The following GRIN2C variants were observed in gnomAD, a reference collection of about 807,000 sequenced individuals.
The protein encoded by GRIN2C is glutamate receptor ionotropic, NMDA 2C.
Under a neutral mutation model 77.7 loss-of-function variants are expected in GRIN2C, and 64 were observed. The ratio of observed to expected loss-of-function variants is 0.82; its 90% CI spans 0.67 to 1.01. GRIN2C has a LOEUF of 1.01. Ranked by LOEUF, GRIN2C falls within the 50% of genes least tolerant of loss-of-function variation. The pLI is 0.00. For missense variants in GRIN2C, 1,549 were observed against 1,486.0 expected (o/e 1.04, Z -0.70); for synonymous variants, 792 against 643.4 (o/e 1.23, Z -3.49).
In GRIN2C at chr17:74,850,992, C is replaced by T; in HGVS notation, c.1114-225G>A. The T allele has an allele frequency of 3.4e-6, 2 of 590,830 alleles. No homozygotes were observed. The highest frequency in any genetic ancestry group is 3.0e-5 in the Admixed American group (1 of 33,716). The allele number at this position is 590,830 out of a possible 1,614,324, so 36.6% of individuals were successfully genotyped here. Reference sequence around the variant, plus strand: ...AAAGCCCAGACCTGACCCTGTCTCACTCACTGTACTGGTCCCCCCTGACTT... The same window carrying T: ...AAAGCCCAGACCTGACCCTGTCTCATTCACTGTACTGGTCCCCCCTGACTT... On this transcript the variant is annotated intron_variant, in intron 4 of 12. Transcript: ENST00000293190. The surrounding 1 kb of genome is among the most constrained non-coding windows in gnomAD (Gnocchi z 5.3).
intron 2 of GRIN2C, 129 bp downstream of exon 2, chr17:74,854,565 C>T: frequency 1.5e-6 from 1 of 678,444 alleles, no homozygotes. Flanking sequence ...CCCCATCACC[C>T]ACATCATGCC....
At chr17:74,857,543 C>T (rs767945096) in intron 1 of GRIN2C, among the ~76,000 whole-genome samples, 39 of 152,184 alleles carry the variant, frequency 2.6e-4, no homozygotes, top group Non-Finnish European at 1.5e-4. Context: ...TCAGCTGCCA[C>T]CACCAATCAG....
Position 74,846,701 on chromosome 17 carries a change from A to G in GRIN2C, c.2162+59T>C. ...CCCACTGTCCCCACATTGAGAGCTA[A>G]GGCTGGTCACTGGGGAGACACACGG... On this transcript the variant is annotated intron_variant, in intron 10 of 12. Transcript: ENST00000293190. The surrounding 1 kb of genome is among the most constrained non-coding windows in gnomAD (Gnocchi z 4.4). 6.5e-7 allele frequency: 1 copy of G among 1,546,518 alleles called. No homozygotes were observed. The highest frequency in any genetic ancestry group is 8.8e-7 in the Non-Finnish European group (1 of 1,130,022).
Position 74,855,125 on chromosome 17 carries a change from C to G in GRIN2C, c.-15-18G>C, listed in dbSNP as rs371069303. On this transcript the variant is annotated intron_variant, in intron 1 of 12. Transcript: ENST00000293190. ...GGAGGGTCCTGCGGAGAGACCAGAA[C>G]AAGCACAGGGAGAGAGACAGAGGTT... 2.6e-6 allele frequency: 4 copies of G among 1,532,626 alleles called. No homozygotes were observed. In the African/African-American group the frequency reaches 5.5e-5, roughly 21 times the overall value. The allele number at this position is 1,532,626 out of a possible 1,614,324, so 94.9% of individuals were successfully genotyped here. A position where few individuals can be genotyped will look rare whatever the true frequency, so the allele number is the denominator to read the frequency against.
chr17:74,855,043 G>A lies in GRIN2C; in HGVS notation c.50C>T (p.Ala17Val). 2 of 1,598,562 alleles carry A rather than the reference G, an allele frequency of 1.3e-6. No homozygotes were observed. Among genetic ancestry groups the A allele is most frequent in the African/African-American group, 1.3e-5 (1 of 74,874 alleles). ...PALLLTSLFG[A>V]WAGLGPGQGE... The stretch of plus-strand genomic sequence containing the variant: ...CTGCCCCGGACCCAGCCCTGCCCAG[G>A]CACCGAAGAGCGAGGTGAGCAACAG... Residue 17 changes from alanine (A) to valine (V), a missense_variant, in exon 2 of 13, where the codon GCC becomes GTC. This residue lies in a region of GRIN2C where 382 missense variants were observed against 360.0 expected (regional missense o/e 1.06). Transcript: ENST00000293190.
Position 74,852,354 on chromosome 17 carries a change from G to C in GRIN2C, c.657C>G (p.Leu219=). The change falls in exon 3 of 13, where the codon CTC becomes CTG. Residue 219 remains leucine (L), a synonymous_variant. Transcript: ENST00000293190. ...RARTQRLLRQ[L]DAPVFVAYCS... The stretch of plus-strand genomic sequence containing the variant: ...AGTAGGCCACAAACACGGGCGCGTC[G>C]AGCTGGCGCAGCAGGCGCTGCGTGC... 5 of 1,453,296 alleles carry C rather than the reference G, an allele frequency of 3.4e-6. No individual in the cohort carries two copies. The highest frequency in any genetic ancestry group is 1.5e-5 in the African/African-American group (1 of 67,128). 90.0% of individuals were successfully genotyped at this position (1,453,296 alleles called of 1,614,324 possible). A position where few individuals can be genotyped will look rare whatever the true frequency, so the allele number is the denominator to read the frequency against.
rs997048587 is a variant in GRIN2C at position 74,842,865 on chromosome 17, G to C, written c.3272C>G (p.Ala1091Gly). 2 of 563,702 alleles carry C rather than the reference G, an allele frequency of 3.5e-6. No individual in the cohort carries two copies. Among genetic ancestry groups the C allele is most frequent in the Non-Finnish European group, 6.1e-6 (2 of 326,574 alleles). 34.9% of individuals were successfully genotyped at this position (563,702 alleles called of 1,614,324 possible). A position where few individuals can be genotyped will look rare whatever the true frequency, so the allele number is the denominator to read the frequency against. The change falls in exon 13 of 13, where the codon GCT becomes GGT. Residue 1091 changes from alanine to glycine, a missense_variant. Ala to Gly is a moderately conservative substitution (Grantham distance 60). Transcript: ENST00000293190. ...CCCAGCGGGCAGCGAGCTGGGCCGAGCGAAGGCCTCGGCCACGGAGCTGGG... is the reference window on the plus strand; with the variant it reads ...CCCAGCGGGCAGCGAGCTGGGCCGACCGAAGGCCTCGGCCACGGAGCTGGG... ...SLPSSVAEAF[A>G]RPSSLPAGCT...
chr17:74,849,909 C>T lies in GRIN2C; in HGVS notation c.1516G>A (p.Ala506Thr). 6.2e-7 allele frequency: 1 copy of T among 1,613,340 alleles called. No individual in the cohort carries two copies. The highest frequency in any genetic ancestry group is 1.1e-5 in the South Asian group (1 of 91,022). Reference sequence around the variant, plus strand: ...TCATTGATGGTGAGGGAGCCGATGGCCATGTCTGCCCGCTTGTAGTACACC... The same window carrying T: ...TCATTGATGGTGAGGGAGCCGATGGTCATGTCTGCCCGCTTGTAGTACACC... ...GEVYYKRADMAIGSLTINEER... is the reference protein window; with the variant it reads ...GEVYYKRADMTIGSLTINEER... Residue 506 changes from alanine to threonine, a missense_variant, in exon 7 of 13, where the codon GCC becomes ACC. Coordinates refer to ENST00000293190, the MANE Select transcript of GRIN2C (RefSeq NM_000835.6). This position sits in a 1 kb window ranked among gnomAD's most constrained non-coding sequence, Gnocchi z 4.6.
chr17:74,850,251 C>T lies in GRIN2C; in HGVS notation c.1446G>A (p.Lys482=). The T allele has an allele frequency of 6.2e-7, 1 of 1,613,854 alleles. No homozygotes were observed. The highest frequency in any genetic ancestry group is 8.5e-7 in the Non-Finnish European group (1 of 1,179,998). Residue 482 remains lysine, a synonymous_variant, in exon 6 of 13, where the codon AAG becomes AAA. Coordinates refer to ENST00000293190, the MANE Select transcript of GRIN2C (RefSeq NM_000835.6). The surrounding 1 kb of genome is among the most constrained non-coding windows in gnomAD (Gnocchi z 5.3). ...ATACGCCGCGCACCCGCTTGCCATG[C>T]TTGCCGTTGGTCACCAGGTACAGGT... ...SYDLYLVTNG[K]HGKRVRGVWN...
Position 74,843,056 on chromosome 17 carries a change from A to T in GRIN2C, c.3081T>A (p.Cys1027Ter), listed in dbSNP as rs1345813187. The stretch of plus-strand genomic sequence containing the variant: ...CGGCTCGAGGAAAGGAGCTGTAGTG[A>T]CAGCGCGCGGGCGACAGGGGCCGCT... The part of the protein sequence containing the change: ...ASERPLSPAR[C>*]HYSSFPRADR... Residue 1027 changes from cysteine to a stop codon, truncating the protein, a stop_gained, in exon 13 of 13, where the codon TGT becomes TGA. Transcript: ENST00000293190. LOFTEE classifies it low-confidence loss of function (END_TRUNC). 1 of 463,668 alleles carries T rather than the reference A, an allele frequency of 2.2e-6. No individual in the cohort carries two copies. The highest frequency in any genetic ancestry group is 3.9e-6 in the Non-Finnish European group (1 of 259,086). The allele number at this position is 463,668 out of a possible 1,614,324, so 28.7% of individuals were successfully genotyped here.
intron 1 of GRIN2C, among the ~76,000 whole-genome samples, chr17:74,856,036 C>T (rs886427892): frequency 2.0e-5 from 3 of 152,234 alleles, no homozygotes; most frequent in Non-Finnish European, 4.4e-5. Context: ...CCATCACTGG[C>T]GTGCAGGATC....
Position 74,852,377 on chromosome 17 carries a change from T to C in GRIN2C, c.634A>G (p.Thr212Ala). Reference protein sequence around the residue: ...ELGPGGPRARTQRLLRQLDAP... With the variant: ...ELGPGGPRARAQRLLRQLDAP... ...TCGAGCTGGCGCAGCAGGCGCTGCG[T>C]GCGCGCGCGCGGCCCTCCCGGGCCC... Residue 212 changes from threonine to alanine, a missense_variant, in exon 3 of 13, where the codon ACG becomes GCG. Physicochemically the swap from Thr to Ala is moderately conservative, Grantham distance 58 (BLOSUM62 0). Transcript: ENST00000293190. The C allele has an allele frequency of 6.9e-7, 1 of 1,440,912 alleles. No individual in the cohort carries two copies. The highest frequency in any genetic ancestry group is 9.0e-7 in the Non-Finnish European group (1 of 1,105,352). 89.3% of individuals were successfully genotyped at this position (1,440,912 alleles called of 1,614,324 possible).
chr17:74,844,509 C>T lies in GRIN2C; in HGVS notation c.2351-1G>A, dbSNP rs1367173296. ...ACTGTCTCCAGTTTCTGTGTCTCTC[C>T]TGGAGTTGGGGGGTGTACACATCTG... On this transcript the variant is annotated splice_acceptor_variant, in intron 11 of 12. Coordinates refer to ENST00000293190, the MANE Select transcript of GRIN2C (RefSeq NM_000835.6). LOFTEE classifies it high-confidence loss of function. 6.2e-7 allele frequency: 1 copy of T among 1,613,692 alleles called. No individual in the cohort carries two copies. The highest frequency in any genetic ancestry group is 1.1e-5 in the South Asian group (1 of 91,070).
rs549812884 is a variant in GRIN2C, at chr17:74,848,608, G to A, written c.1646-631C>T. 2.0e-5 allele frequency among the ~76,000 whole-genome samples: 3 copies of A among 152,328 alleles called. No homozygotes were observed. In the East Asian group the frequency reaches 5.8e-4, roughly 29 times the overall value. On this transcript the variant is annotated intron_variant, in intron 7 of 12. Coordinates refer to ENST00000293190, the MANE Select transcript of GRIN2C (RefSeq NM_000835.6). ...CCAGCTACTCAGGAGCCTGAGGCAA[G>A]AGAATCAGTTGAACCCAGGAGGCGG...
At position 74,843,507 on chromosome 17, in the gene GRIN2C, G is replaced by A; in HGVS notation, c.2630C>T (p.Pro877Leu). 2 of 1,533,598 alleles carry A rather than the reference G, an allele frequency of 1.3e-6. No homozygotes were observed. Among genetic ancestry groups the A allele is most frequent in the Non-Finnish European group, 1.7e-6 (2 of 1,146,446 alleles). 95.0% of individuals were successfully genotyped at this position (1,533,598 alleles called of 1,614,324 possible). A position where few individuals can be genotyped will look rare whatever the true frequency, so the allele number is the denominator to read the frequency against. ...FSGVQSLASP[P>L]RQASPDLTAS... The stretch of plus-strand genomic sequence containing the variant: ...CGTGAGGTCCGGGCTGGCCTGCCGC[G>A]GTGGGCTGGCGAGGCTCTGCACCCC... The change falls in exon 13 of 13, where the codon CCG becomes CTG. Residue 877 changes from proline (P) to leucine (L), a missense_variant. Pro to Leu is a moderately conservative substitution (Grantham distance 98). Around this residue, in one of 3 missense-constraint regions of GRIN2C, gnomAD observed 450 missense variants for 267.9 expected, o/e 1.68. Transcript: ENST00000293190.
upstream of GRIN2C, chr17:74,860,398 G>T (rs2037924251): frequency 2.2e-6 from 1 of 456,476 alleles, no homozygotes; most frequent in African/African-American, 2.0e-5. Flanking sequence ...GAAACCGAGT[G>T]GACGAATGGG....
chr17:74,852,068 C>G lies in GRIN2C; in HGVS notation c.943G>C (p.Gly315Arg). ...RQHGTLPAPA[G>R]DCRVHPGPVS... ...GGCCCAGGGTGAACACGGCAGTCCC[C>G]GGCCGGGGCTGGCAGGGTTCCATGC... The change falls in exon 3 of 13, where the codon GGG becomes CGG. Residue 315 changes from glycine (G) to arginine (R), a missense_variant. By Grantham distance (125) the Gly-to-Arg change is moderately radical. Coordinates refer to ENST00000293190, the MANE Select transcript of GRIN2C (RefSeq NM_000835.6). 6.9e-7 allele frequency: 1 copy of G among 1,456,368 alleles called. No individual in the cohort carries two copies. Among genetic ancestry groups the G allele is most frequent in the Non-Finnish European group, 9.1e-7 (1 of 1,103,352 alleles). 90.2% of individuals were successfully genotyped at this position (1,456,368 alleles called of 1,614,324 possible).
chr17:74,854,530 T>C, intron 2 of GRIN2C, 164 bp downstream of exon 2: 2 of 608,584 alleles, frequency 3.3e-6, no homozygotes, highest in African/African-American at 1.8e-5. Flanking sequence ...CTCTAGAACA[T>C]GGGATGTCAT....
In GRIN2C at chr17:74,846,100, G is replaced by C. The variant is rs764630603; in HGVS notation, c.2316C>G (p.Ala772=). Residue 772 remains alanine (A), a synonymous_variant, in exon 11 of 13, where the codon GCC becomes GCG. Coordinates refer to ENST00000293190, the MANE Select transcript of GRIN2C (RefSeq NM_000835.6). This position sits in a 1 kb window ranked among gnomAD's most constrained non-coding sequence, Gnocchi z 4.4. ...AMQKDSHWKR[A]IDLALLQFLG... is the part of the protein sequence containing the mutation. ...GGAACTGCAAGAGCGCCAGGTCTAT[G>C]GCCCGCTTCCAGTGGGAGTCCTTCT... The C allele has an allele frequency of 1.2e-5, 20 of 1,614,204 alleles. No individual in the cohort carries two copies. In the South Asian group the frequency reaches 2.1e-4, roughly 17 times the overall value.
Sources: gnomAD v4.1 joint callset for allele counts (sites outside exome capture counted in the v4.1 genomes callset) on GRCh38, gnomAD v4.1.1 for gene constraint, gnomAD v4.1.1 regional missense constraint, Gnocchi (gnomAD v3.1) non-coding constraint, MANE v1.5 for transcripts, NCBI Gene and HGNC (gene_info 2026-07-23, HGNC 2026-07-21) for gene names.